Variants in CTBP2 observed in about 807,000 individuals in gnomAD.
CTBP2 encodes C-terminal-binding protein 2.
A neutral mutation model predicts 80.3 loss-of-function variants in CTBP2; 30 were observed. That is an observed-to-expected ratio of 0.37 (90% CI 0.28 to 0.51). The LOEUF (loss-of-function observed/expected upper bound fraction) is 0.51. Ranked by LOEUF, CTBP2 falls within the 20% of genes least tolerant of loss-of-function variation. The pLI, the probability that CTBP2 is intolerant of heterozygous loss-of-function variation, is 0.93. For missense variants in CTBP2, 1,212 were observed against 1,375.3 expected (o/e 0.88, Z 1.88); for synonymous variants, 594 against 587.4 (o/e 1.01, Z -0.16).
At chr10:125,154,386 C>G (rs948537514) in intron 1 of CTBP2, among the ~76,000 whole-genome samples, 14 of 152,218 alleles carry the variant, frequency 9.2e-5, no homozygotes, top group African/African-American at 3.1e-4. Flanking sequence ...AAACACCAAC[C>G]GATCTTTGGG....
intron 4 of CTBP2, chr10:124,996,044 C>CTTT (rs1953467020): frequency 1.3e-5 from 1 of 75,632 alleles, no homozygotes; most frequent in African/African-American, 6.7e-5. Flanking sequence ...ACGGCTATTT[C>CTTT]TTTGTTTTTT....
chr10:125,160,531 CACACGCACACAGGG>C (rs1246045790), upstream of CTBP2: 6 of 150,850 alleles, frequency 4.0e-5, no homozygotes, highest in South Asian at 8.1e-4. Context: ...CTTAAAATGA[CACACGCACACAGGG>C]ACACACACAC....
At chr10:125,159,665 G>A (rs918600323) in intron 1 of CTBP2, among the ~76,000 whole-genome samples, 1 of 149,878 alleles carries the variant, frequency 6.7e-6, no homozygotes, top group Non-Finnish European at 1.5e-5. Flanking sequence ...TGGGGACCGA[G>A]AGCCGCTCAC....
chr10:125,098,788 G>C (rs1233506082), intron 2 of CTBP2, among the ~76,000 whole-genome samples: 3 of 149,578 alleles, frequency 2.0e-5, no homozygotes, highest in Non-Finnish European at 4.5e-5. Context: ...GACAGAGAGA[G>C]AGACAGAGAG....
intron 1 of CTBP2, among the ~76,000 whole-genome samples, chr10:125,120,148 G>C (rs1193113069): frequency 2.6e-5 from 4 of 152,220 alleles, no homozygotes; most frequent in Admixed American, 1.3e-4. Flanking sequence ...CGAGGATCTA[G>C]GACCCCGACT....
intron 1 of CTBP2, among the ~76,000 whole-genome samples, chr10:125,129,846 G>A (rs962713277): frequency 3.9e-5 from 6 of 152,276 alleles, no homozygotes; most frequent in African/African-American, 1.4e-4. Context: ...AGCAACCTCT[G>A]CCCGTGAGCT....
intron 8 of CTBP2, among the ~76,000 whole-genome samples, chr10:124,990,636 T>C (rs906524733): frequency 2.6e-5 from 4 of 152,232 alleles, no homozygotes; most frequent in Admixed American, 6.5e-5. Flanking sequence ...CAATGGACCC[T>C]TAGGGACTCA....
chr10:125,149,007 G>A (rs982713131), intron 1 of CTBP2, among the ~76,000 whole-genome samples: 2 of 152,180 alleles, frequency 1.3e-5, no homozygotes, highest in Non-Finnish European at 2.9e-5. Flanking sequence ...GGGAAAACTG[G>A]CTCGCTGGCC....
intron 1 of CTBP2, among the ~76,000 whole-genome samples, chr10:125,150,151 T>G (rs984861877): frequency 6.6e-6 from 1 of 152,186 alleles, no homozygotes; most frequent in African/African-American, 2.4e-5. Flanking sequence ...ATGGCTCCAG[T>G]TGAATGCCAG....
At chr10:125,110,107 T>A (rs1852057189) in intron 2 of CTBP2, among the ~76,000 whole-genome samples, 1 of 152,084 alleles carries the variant, frequency 6.6e-6, no homozygotes, top group African/African-American at 2.4e-5. Context: ...GAGGGCCTGG[T>A]CACAAACTTA....
chr10:125,093,403 T>C (rs907729575), intron 2 of CTBP2, among the ~76,000 whole-genome samples: 1 of 152,220 alleles, frequency 6.6e-6, no homozygotes, highest in African/African-American at 2.4e-5. Flanking sequence ...TCTTTGTATA[T>C]GTGAAAACCA....
chr10:125,091,459 G>A (rs1387540478), intron 2 of CTBP2, among the ~76,000 whole-genome samples: 1 of 152,184 alleles, frequency 6.6e-6, no homozygotes, highest in Non-Finnish European at 1.5e-5. Context: ...AGGGTGACCA[G>A]CTATTTTATT....
At chr10:125,095,716 AG>A (rs1849443514) in intron 2 of CTBP2, among the ~76,000 whole-genome samples, 1 of 152,196 alleles carries the variant, frequency 6.6e-6, no homozygotes, top group African/African-American at 2.4e-5. Flanking sequence ...CCTCAAAACT[AG>A]GTGTGTACAG....
At chr10:124,997,880 TG>T in intron 4 of CTBP2, 83 bp downstream of exon 6, 1 of 1,425,118 alleles carries the variant, frequency 7.0e-7, no homozygotes. Context: ...AAGAGCAGGC[TG>T]GGGTTGCCTT....
intron 2 of CTBP2, among the ~76,000 whole-genome samples, chr10:125,047,489 G>A (rs1458851273): frequency 6.6e-6 from 1 of 152,188 alleles, no homozygotes; most frequent in Non-Finnish European, 1.5e-5. Context: ...ATACAATTGG[G>A]CACACACAAT....
chr10:125,075,772 G>A (rs1223365350), intron 2 of CTBP2, among the ~76,000 whole-genome samples: 2 of 152,208 alleles, frequency 1.3e-5, no homozygotes, highest in African/African-American at 2.4e-5. Context: ...ATTGCCAAAT[G>A]CAGAGGATAA....
chr10:124,994,092 T>TTTAATGTG, intron 5 of CTBP2, 107 bp from the exon 8 acceptor site: 1 of 1,471,322 alleles, frequency 6.8e-7, no homozygotes, highest in Non-Finnish European at 9.3e-7. Context: ...GGTCTGGTGG[T>TTTAATGTG]TTAATGTGTG....
rs1476107305 is a variant in CTBP2 at position 125,066,348 on chromosome 10, TC to T, written c.-101-27194del. Among the ~76,000 whole-genome samples the T allele has an allele frequency of 1.3e-5, 2 of 151,810 alleles. No homozygotes were observed. Among genetic ancestry groups the T allele is most frequent in the African/African-American group, 2.4e-5 (1 of 41,318 alleles). On this transcript the variant is annotated intron_variant, in intron 2 of 10. Transcript: ENST00000337195. The surrounding 1 kb of genome is among the most constrained non-coding windows in gnomAD (Gnocchi z 4.1). The stretch of plus-strand genomic sequence containing the variant: ...TACCAACATCAGGACCAGCGAGAAA[TC>T]GGGAAAACATCAAGTCAGAACGTCC...
intron 2 of CTBP2, among the ~76,000 whole-genome samples, chr10:125,069,895 C>CCA (rs1554900423): frequency 1.2e-4 from 17 of 141,774 alleles, no homozygotes; most frequent in East Asian, 6.3e-4. Context: ...CCTCCCCCCC[C>CCA]CACACAAACC....
Sources: allele counts gnomAD v4.1 joint callset (sites outside exome capture counted in the v4.1 genomes callset), GRCh38; gene constraint gnomAD v4.1.1; non-coding constraint Gnocchi (gnomAD v3.1); transcripts MANE v1.5; gene names NCBI Gene and HGNC (gene_info 2026-07-23, HGNC 2026-07-21).